The following SPTB variants were observed in gnomAD, a reference collection of about 807,000 sequenced individuals.
The protein encoded by SPTB is spectrin beta, erythrocytic, also known as spectrin beta chain, erythrocytic.
A neutral mutation model predicts 256.2 loss-of-function variants in SPTB; 45 were observed. That is an observed-to-expected ratio of 0.18 (90% CI 0.14 to 0.23). The LOEUF (loss-of-function observed/expected upper bound fraction) is 0.23. Ranked by LOEUF, SPTB falls within the 10% of genes least tolerant of loss-of-function variation. The pLI, the probability that SPTB is intolerant of heterozygous loss-of-function variation, is 1.00. For missense variants in SPTB, 2,715 were observed against 3,040.4 expected (o/e 0.89, Z 2.52); for synonymous variants, 1,231 against 1,243.1 (o/e 0.99, Z 0.21).
chr14:64,853,641 T>C lies in SPTB; in HGVS notation c.-52+26151A>G, dbSNP rs1325646802. 6.6e-6 allele frequency among the ~76,000 whole-genome samples: 1 copy of C among 152,048 alleles called. No individual in the cohort carries two copies. The highest frequency in any genetic ancestry group is 1.5e-5 in the Non-Finnish European group (1 of 68,002). On this transcript the variant is annotated intron_variant, in intron 1 of 35. Coordinates refer to ENST00000644917, the MANE Select transcript of SPTB (RefSeq NM_001355436.2). The surrounding 1 kb of genome is among the most constrained non-coding windows in gnomAD (Gnocchi z 4.3). ...TTTGATGGGAGAGGGTATGGGGCTT[T>C]GAGGGGGAGCAGACAGGCATGCAGG... is the stretch of plus-strand genomic sequence containing the variant.
At chr14:64,756,661 C>T (rs972321636) in intron 32 of SPTB, 3 of 152,214 alleles carry the variant, frequency 2.0e-5, no homozygotes, top group Non-Finnish European at 4.4e-5. Flanking sequence ...CGAATTCTCC[C>T]AAGACAGACT....
chr14:64,773,919 G>A lies in SPTB; in HGVS notation c.4973+478C>T, dbSNP rs574164947. ...GCTGAGGACAGGGCCATGGCTGGGG[G>A]CAGTGTGTGGTCTGTGGCCCAGTGG... On this transcript the variant is annotated intron_variant, in intron 24 of 35. Transcript: ENST00000644917. 5.8e-4 allele frequency among the ~76,000 whole-genome samples: 89 copies of A among 152,324 alleles called. 3 individuals are homozygous for A. The South Asian group carries it at 0.016, about 27-fold the overall frequency.
chr14:64,769,749 G>T, intron 27 of SPTB, 21 bp from the exon 28 acceptor site: 13 of 1,614,054 alleles, frequency 8.1e-6, no homozygotes, highest in Non-Finnish European at 9.3e-6. Flanking sequence ...GGAGGACAAG[G>T]GAAGAAGGGA....
chr14:64,755,363 G>C (rs926274833), intron 32 of SPTB: 1 of 152,200 alleles, frequency 6.6e-6, no homozygotes, highest in African/African-American at 2.4e-5. Context: ...GAATGGGAAG[G>C]GGGGCTCAAT....
intron 1 of SPTB, among the ~76,000 whole-genome samples, chr14:64,872,271 T>C (rs1594862738): frequency 6.6e-6 from 1 of 152,302 alleles, no homozygotes; most frequent in Admixed American, 6.5e-5. Context: ...TCTCTCATCC[T>C]CTATATCCAA....
intron 19 of SPTB, among the ~76,000 whole-genome samples, chr14:64,783,826 C>T (rs921455863): frequency 6.6e-6 from 1 of 152,194 alleles, no homozygotes; most frequent in Admixed American, 6.5e-5. Flanking sequence ...ACGACCACTC[C>T]CCAGTGGTTC....
At chr14:64,782,674 A>G in intron 19 of SPTB, 121 bp from the exon 20 acceptor site, 1 of 1,440,710 alleles carries the variant, frequency 6.9e-7, no homozygotes, top group Non-Finnish European at 9.6e-7. Context: ...ATCTTCATAG[A>G]ACATGGGTAA....
At chr14:64,855,027 G>T (rs1037297205) in intron 1 of SPTB, among the ~76,000 whole-genome samples, 1 of 152,098 alleles carries the variant, frequency 6.6e-6, no homozygotes, top group Non-Finnish European at 1.5e-5. Flanking sequence ...ACGGCAACTC[G>T]CCGGAAAACA....
intron 33 of SPTB, 102 bp downstream of exon 33, chr14:64,753,435 C>T (rs2081978461): frequency 1.3e-5 from 21 of 1,577,562 alleles, no homozygotes; most frequent in Non-Finnish European, 1.7e-5. Flanking sequence ...GCAGAAGGCA[C>T]CCCTCCCCCA....
In SPTB at chr14:64,753,748, G is replaced by C. The variant is rs376845836; in HGVS notation, c.6391C>G (p.Pro2131Ala). ...TGCCCATCCTTGTGCTGACCCGGCG[G>C]TGGTGGCTGCTGCAGGTTCTGAGGC... Reference protein sequence around the residue: ...TWPQNLQQPPPPGQHKDGQKS... With the variant: ...TWPQNLQQPPAPGQHKDGQKS... The change falls in exon 33 of 36, where the codon CCG becomes GCG. Residue 2131 changes from proline (P) to alanine (A), a missense_variant. Physicochemically the swap from Pro to Ala is conservative, Grantham distance 27 (BLOSUM62 -1). Around this residue, in one of 4 missense-constraint regions of SPTB, gnomAD observed 2,239 missense variants for 2,384.4 expected, o/e 0.94. Transcript: ENST00000644917. The C allele has an allele frequency of 1.6e-5, 26 of 1,613,554 alleles. No individual in the cohort carries two copies. The highest frequency in any genetic ancestry group is 2.2e-5 in the Non-Finnish European group (26 of 1,180,026).
chr14:64,789,378 A>T (rs886109468), intron 15 of SPTB, among the ~76,000 whole-genome samples: 14 of 152,082 alleles, frequency 9.2e-5, no homozygotes, highest in African/African-American at 2.4e-4. Context: ...ATTAATTAAT[A>T]AAGAGTAATG....
rs2082849811 is a variant in SPTB, at chr14:64,799,923, A to G, written c.888T>C (p.His296=). 1 of 1,614,248 alleles carries G rather than the reference A, an allele frequency of 6.2e-7. No homozygotes were observed. Among genetic ancestry groups the G allele is most frequent in the East Asian group, 2.2e-5 (1 of 44,886 alleles). The change falls in exon 9 of 36, where the codon CAT becomes CAC. Residue 296 remains histidine (H), a synonymous_variant. Coordinates refer to ENST00000644917, the MANE Select transcript of SPTB (RefSeq NM_001355436.2). ...CAATCATCTTCTCAGTCTCAATGGC[A>G]TGGTCAATAACCTAAGGAATCATCT... ...EGKRVGKVID[H]AIETEKMIEK... is the part of the protein sequence containing the mutation.
chr14:64,804,915 C>T lies in SPTB; in HGVS notation c.300+24G>A, dbSNP rs2277504. On this transcript the variant is annotated intron_variant, in intron 3 of 35. Coordinates refer to ENST00000644917, the MANE Select transcript of SPTB (RefSeq NM_001355436.2). Reference sequence around the variant, plus strand: ...GAAGAGGGGCCGATGGCAGCAGCCCCGGGGCCCACAGAAGGGACTTTACCA... The same window carrying T: ...GAAGAGGGGCCGATGGCAGCAGCCCTGGGGCCCACAGAAGGGACTTTACCA... 3,309 of 1,613,506 alleles carry T rather than the reference C, an allele frequency of 2.1e-3. 20 individuals carry two copies. Among genetic ancestry groups the T allele is most frequent in the East Asian group, 0.017 (783 of 44,866 alleles).
In SPTB at chr14:64,753,750, G is replaced by T; in HGVS notation, c.6389C>A (p.Pro2130Gln). 1.9e-6 allele frequency: 3 copies of T among 1,613,576 alleles called. No homozygotes were observed. Among genetic ancestry groups the T allele is most frequent in the Non-Finnish European group, 2.5e-6 (3 of 1,179,994 alleles). Residue 2130 changes from proline (P) to glutamine (Q), a missense_variant, in exon 33 of 36, where the codon CCA becomes CAA. Around this residue, in one of 4 missense-constraint regions of SPTB, gnomAD observed 2,239 missense variants for 2,384.4 expected, o/e 0.94. Transcript: ENST00000644917. ...GTWPQNLQQP[P>Q]PPGQHKDGQK... ...CCCATCCTTGTGCTGACCCGGCGGT[G>T]GTGGCTGCTGCAGGTTCTGAGGCCA...
At chr14:64,811,370 C>T (rs1317255277) in intron 2 of SPTB, among the ~76,000 whole-genome samples, 2 of 152,196 alleles carry the variant, frequency 1.3e-5, no homozygotes, top group Non-Finnish European at 2.9e-5. Context: ...CACACACGCA[C>T]ATGCAAACAC....
In SPTB at chr14:64,767,351, A is replaced by G; in HGVS notation, c.6221T>C (p.Leu2074Pro). 6.2e-7 allele frequency: 1 copy of G among 1,614,034 alleles called. No homozygotes were observed. Among genetic ancestry groups the G allele is most frequent in the South Asian group, 1.1e-5 (1 of 91,086 alleles). The change falls in exon 31 of 36, where the codon CTT becomes CCT. Residue 2074 changes from leucine to proline, a missense_variant and splice_region_variant. Around this residue, in one of 4 missense-constraint regions of SPTB, gnomAD observed 2,239 missense variants for 2,384.4 expected, o/e 0.94. Transcript: ENST00000644917. ...TGCAATCTGGCGTTCTTTCAGCTCA[A>G]GCTAGAGGAGGAGAAGGCCCAGGGG... ...RFAALEKPTT[L>P]ELKERQIAER...
intron 32 of SPTB, among the ~76,000 whole-genome samples, chr14:64,761,611 A>C (rs902291352): frequency 6.6e-6 from 1 of 152,124 alleles, no homozygotes; most frequent in Non-Finnish European, 1.5e-5. Context: ...TGGTAAAGTG[A>C]ATGGAGGGGA....
chr14:64,859,561 A>G lies in SPTB; in HGVS notation c.-52+20231T>C, dbSNP rs749865778. 5.9e-5 allele frequency among the ~76,000 whole-genome samples: 9 copies of G among 152,280 alleles called. No homozygotes were observed. In the South Asian group the frequency reaches 1.9e-3, roughly 32 times the overall value. ...GGAGTTTGAGACCAGTCTGGACAAC[A>G]TAAGAAAACCCATCTCTACTAAAAA... On this transcript the variant is annotated intron_variant, in intron 1 of 35. Transcript: ENST00000644917.
At chr14:64,769,528 C>A in intron 28 of SPTB, 62 bp downstream of exon 28, 1 of 1,604,330 alleles carries the variant, frequency 6.2e-7, no homozygotes, top group Non-Finnish European at 8.5e-7. Flanking sequence ...CAGGAGGCTG[C>A]CTGGCTGGCA....
Sources: gnomAD v4.1 joint callset for allele counts (sites outside exome capture counted in the v4.1 genomes callset) on GRCh38, gnomAD v4.1.1 for gene constraint, gnomAD v4.1.1 regional missense constraint, Gnocchi (gnomAD v3.1) non-coding constraint, MANE v1.5 for transcripts, NCBI Gene and HGNC (gene_info 2026-07-23, HGNC 2026-07-21) for gene names.